Variants in TENM3 observed in about 807,000 individuals in gnomAD.
The protein encoded by TENM3 is teneurin transmembrane protein 3, also known as teneurin-3.
A neutral mutation model predicts 255.1 loss-of-function variants in TENM3; 63 were observed. The ratio of observed to expected loss-of-function variants is 0.25; its 90% CI spans 0.20 to 0.30. The LOEUF is 0.30. Among genes scored for constraint, TENM3 ranks in the 10% least tolerant of loss-of-function variants. The pLI is 1.00. For synonymous variants in TENM3, 1,306 were observed against 1,322.3 expected, an observed-to-expected ratio of 0.99 and a Z score of 0.27; for missense variants, 2,929 against 3,461.1, an observed-to-expected ratio of 0.85 and a Z score of 3.86.
chr4:182,447,616 C>T (rs11736941), intron 3 of TENM3, among the ~76,000 whole-genome samples: 59,535 of 151,954 alleles, frequency 0.39, 11,976 homozygotes, highest in South Asian at 0.46. Context: ...GAACACTGAT[C>T]CTTCCTTTCT....
the TENM3 span, among the ~76,000 whole-genome samples, chr4:181,891,192 G>A: frequency 0.02 from 3,117 of 152,232 alleles, 35 homozygotes; most frequent in South Asian, 0.028. Flanking sequence ...GCTCAAAAAC[G>A]TAAATTAGTT....
the TENM3 span, among the ~76,000 whole-genome samples, chr4:181,848,302 C>T: frequency 6.6e-6 from 1 of 152,116 alleles, no homozygotes; most frequent in Admixed American, 6.5e-5. Flanking sequence ...TCTTATTTTA[C>T]AAACAAGGAA....
At chr4:181,843,216 C>T in the TENM3 span, among the ~76,000 whole-genome samples, 28 of 152,250 alleles carry the variant, frequency 1.8e-4, no homozygotes, top group African/African-American at 6.7e-4. Flanking sequence ...ACTATATTCT[C>T]TTTTGAAATA....
chr4:182,194,635 T>G (rs1753725959), intron 1 of TENM3, among the ~76,000 whole-genome samples: 1 of 152,192 alleles, frequency 6.6e-6, no homozygotes, highest in African/African-American at 2.4e-5. Flanking sequence ...TTAGGCAGCA[T>G]GCCAGCCAGC....
chr4:181,609,906 G>A, the TENM3 span, among the ~76,000 whole-genome samples: 1 of 151,810 alleles, frequency 6.6e-6, no homozygotes. Context: ...TTTAATATTA[G>A]TACCATAAAA....
At chr4:182,592,133 T>C (rs1395567580) in intron 3 of TENM3, among the ~76,000 whole-genome samples, 25 of 150,542 alleles carry the variant, frequency 1.7e-4, no homozygotes, top group South Asian at 2.1e-4. Flanking sequence ...TTCTTCTTTT[T>C]TTTTTTTTTT....
intron 13 of TENM3, among the ~76,000 whole-genome samples, chr4:182,723,945 G>T (rs1423603191): frequency 6.6e-6 from 1 of 152,190 alleles, no homozygotes; most frequent in Non-Finnish European, 1.5e-5. Context: ...TAAAAGACCA[G>T]TGAAAATGCC....
chr4:181,828,983 C>T, the TENM3 span, among the ~76,000 whole-genome samples: 1 of 152,194 alleles, frequency 6.6e-6, no homozygotes, highest in South Asian at 2.1e-4. Context: ...ACCCTGTGTG[C>T]ATTGAGGTGC....
chr4:182,387,667 A>AAAACTCC (rs1768058614), intron 3 of TENM3, among the ~76,000 whole-genome samples: 1 of 152,136 alleles, frequency 6.6e-6, no homozygotes, highest in African/African-American at 2.4e-5. Flanking sequence ...CCGGGAGGAA[A>AAAACTCC]GAACAACTCC....
chr4:182,247,915 G>A (rs552503302), intron 1 of TENM3, among the ~76,000 whole-genome samples: 2 of 152,206 alleles, frequency 1.3e-5, no homozygotes, highest in East Asian at 1.9e-4. Flanking sequence ...AGCTCCCCAC[G>A]CAAACTCTTC....
chr4:181,929,044 C>T, the TENM3 span, among the ~76,000 whole-genome samples: 15 of 151,932 alleles, frequency 9.9e-5, no homozygotes, highest in African/African-American at 1.9e-4. Flanking sequence ...AAATATGGAA[C>T]GAAAAACCGG....
chr4:181,887,421 G>T, the TENM3 span, among the ~76,000 whole-genome samples: 90 of 152,288 alleles, frequency 5.9e-4, no homozygotes, highest in Admixed American at 9.8e-4. Flanking sequence ...GGAAAGTAAT[G>T]ATACCTTTAA....
At chr4:182,640,045 G>A (rs1351418340) in intron 5 of TENM3, among the ~76,000 whole-genome samples, 7 of 152,180 alleles carry the variant, frequency 4.6e-5, no homozygotes, top group Admixed American at 2.0e-4. Flanking sequence ...AGCTGAGATC[G>A]TGCCACTGCA....
chr4:181,560,540 G>A, the TENM3 span, among the ~76,000 whole-genome samples: 17 of 152,014 alleles, frequency 1.1e-4, 1 homozygote, highest in Admixed American at 3.9e-4. Flanking sequence ...CTGCCTTCCC[G>A]GAGACATGCT....
At chr4:181,456,109 G>GTATA in the TENM3 span, among the ~76,000 whole-genome samples, 1 of 114,834 alleles carries the variant, frequency 8.7e-6, no homozygotes. Flanking sequence ...GTGTGTGTGT[G>GTATA]TGTGTATATA....
the TENM3 span, among the ~76,000 whole-genome samples, chr4:181,895,660 C>T: frequency 6.6e-6 from 1 of 150,450 alleles, no homozygotes; most frequent in Admixed American, 6.7e-5. Context: ...TCCTCCCTTA[C>T]CAGCCTCCTG....
chr4:182,494,565 G>C (rs755778038), intron 3 of TENM3, among the ~76,000 whole-genome samples: 10 of 152,048 alleles, frequency 6.6e-5, no homozygotes, highest in Non-Finnish European at 1.5e-4. Flanking sequence ...TGCAAATAAG[G>C]GGCGACTAAT....
intron 7 of TENM3, among the ~76,000 whole-genome samples, chr4:182,677,988 A>C (rs1242094014): frequency 6.6e-6 from 1 of 152,040 alleles, no homozygotes; most frequent in Non-Finnish European, 1.5e-5. Flanking sequence ...CATTTAAGAA[A>C]CCTATCAGAA....
rs77256039 is a variant in TENM3, at chr4:182,323,774, G to A, written c.-75-172G>A. 0.015 allele frequency among the ~76,000 whole-genome samples: 2,300 copies of A among 152,226 alleles called. 58 individuals carry two copies. Among genetic ancestry groups the A allele is most frequent in the African/African-American group, 0.052 (2,159 of 41,532 alleles). On this transcript the variant is annotated intron_variant, in intron 1 of 27. Coordinates refer to ENST00000511685, the MANE Select transcript of TENM3 (RefSeq NM_001080477.4). ...AGCAGAAAGCGTGCTTCACCTCTTGGTGATACAATGTATTTTACACTGATT... is the reference window on the plus strand; with the variant it reads ...AGCAGAAAGCGTGCTTCACCTCTTGATGATACAATGTATTTTACACTGATT...
Sources: allele counts gnomAD v4.1 joint callset (sites outside exome capture counted in the v4.1 genomes callset), GRCh38; gene constraint gnomAD v4.1.1; transcripts MANE v1.5; gene names NCBI Gene and HGNC (gene_info 2026-07-23, HGNC 2026-07-21).